The following BTBD9 variants were observed in gnomAD, a reference collection of about 807,000 sequenced individuals.
The protein encoded by BTBD9 is BTB domain containing 9, also known as BTB/POZ domain-containing protein 9.
A neutral mutation model predicts 64.3 loss-of-function variants in BTBD9; 49 were observed. That is an observed-to-expected ratio of 0.76 (90% CI 0.61 to 0.97). The LOEUF is 0.97. Ranked by LOEUF, BTBD9 falls within the 50% of genes least tolerant of loss-of-function variation. The pLI is 0.00. For missense variants in BTBD9, 598 were observed against 762.1 expected, an observed-to-expected ratio of 0.78 and a Z score of 2.53; for synonymous variants, 260 against 274.7, an observed-to-expected ratio of 0.95 and a Z score of 0.53.
chr6:38,430,852 AGGCTGCTAT>A, intron 6 of BTBD9, among the ~76,000 whole-genome samples: 1 of 151,896 alleles, frequency 6.6e-6, no homozygotes, highest in East Asian at 1.9e-4. Flanking sequence ...TTTCCTGACA[AGGCTGCTAT>A]CAATTAATCC....
intron 6 of BTBD9, among the ~76,000 whole-genome samples, chr6:38,455,657 T>C (rs977766314): frequency 1.3e-5 from 2 of 152,238 alleles, no homozygotes; most frequent in African/African-American, 4.8e-5. Flanking sequence ...TTTCACCCAT[T>C]TATGGATTGA....
At chr6:38,432,275 T>C (rs1768476046) in intron 6 of BTBD9, among the ~76,000 whole-genome samples, 1 of 152,052 alleles carries the variant, frequency 6.6e-6, no homozygotes, top group Non-Finnish European at 1.5e-5. Flanking sequence ...GAAACTGCCT[T>C]TGCAAAGATC....
intron 7 of BTBD9, among the ~76,000 whole-genome samples, chr6:38,289,633 C>T (rs1164929223): frequency 6.6e-6 from 1 of 152,176 alleles, no homozygotes; most frequent in Non-Finnish European, 1.5e-5. Context: ...CAGTTGCCCT[C>T]AGCCATGATT....
chr6:38,635,923 G>A (rs534508906), intron 1 of BTBD9, among the ~76,000 whole-genome samples: 35 of 152,134 alleles, frequency 2.3e-4, no homozygotes, highest in Non-Finnish European at 4.1e-4. Context: ...TGATTTAAAC[G>A]TCCAAAAGTT....
chr6:38,326,025 T>C (rs1326762080), intron 7 of BTBD9, among the ~76,000 whole-genome samples: 1 of 152,026 alleles, frequency 6.6e-6, no homozygotes, highest in East Asian at 1.9e-4. Flanking sequence ...AAACTCCACA[T>C]CTATAAGCAT....
chr6:38,356,104 A>G (rs1259843741), intron 6 of BTBD9, among the ~76,000 whole-genome samples: 1 of 151,902 alleles, frequency 6.6e-6, no homozygotes, highest in Non-Finnish European at 1.5e-5. Flanking sequence ...TTTTTTTTTA[A>G]AAAACCATGT....
At chr6:38,575,414 A>G (rs1292046334) in intron 6 of BTBD9, among the ~76,000 whole-genome samples, 1 of 152,214 alleles carries the variant, frequency 6.6e-6, no homozygotes, top group Admixed American at 6.5e-5. Context: ...AAGGACACTA[A>G]AGAACAAAGC....
intron 1 of BTBD9, among the ~76,000 whole-genome samples, chr6:38,605,638 C>T (rs952060434): frequency 5.4e-5 from 8 of 147,752 alleles, no homozygotes; most frequent in Admixed American, 3.3e-4. Flanking sequence ...CATAGCAAGA[C>T]CCCTTATCTA....
Position 38,171,846 on chromosome 6 carries a change from C to CAAAAAAAAAAAAAAAAAAAAAAAA in BTBD9, c.*3115_*3138dup, listed in dbSNP as rs869155666. The CAAAAAAAAAAAAAAAAAAAAAAAA allele has an allele frequency of 1.1e-4, 9 of 79,206 alleles. No homozygotes were observed. Among genetic ancestry groups the CAAAAAAAAAAAAAAAAAAAAAAAA allele is most frequent in the Non-Finnish European group, 1.8e-4 (8 of 45,700 alleles). 4.9% of individuals were successfully genotyped at this position (79,206 alleles called of 1,614,324 possible). On this transcript the variant is annotated 3_prime_UTR_variant, in exon 11 of 11. Coordinates refer to ENST00000481247, the MANE Select transcript of BTBD9 (RefSeq NM_001099272.2). ...TCCAATGAAGTTGCCTTTCTACTCT[C>CAAAAAAAAAAAAAAAAAAAAAAAA]AAAAAAAAAAAAAAAAAAAAAAAAA...
chr6:38,246,461 CGT>C (rs146032456), intron 9 of BTBD9, among the ~76,000 whole-genome samples: 10 of 150,806 alleles, frequency 6.6e-5, no homozygotes, highest in Admixed American at 2.0e-4. Context: ...CGTGCACGTA[CGT>C]GTGTGTGTGT....
At chr6:38,524,466 G>C (rs566885243) in intron 6 of BTBD9, among the ~76,000 whole-genome samples, 1 of 152,128 alleles carries the variant, frequency 6.6e-6, no homozygotes, top group Non-Finnish European at 1.5e-5. Flanking sequence ...TAAGCACGTA[G>C]CAAGAATTAA....
At chr6:38,178,791 G>A (rs905558097) in intron 10 of BTBD9, among the ~76,000 whole-genome samples, 11 of 152,300 alleles carry the variant, frequency 7.2e-5, no homozygotes, top group African/African-American at 2.6e-4. Flanking sequence ...GGGACAGGGC[G>A]AGGGCCTGGC....
chr6:38,587,369 A>C, intron 4 of BTBD9: 1 of 474,878 alleles, frequency 2.1e-6, no homozygotes, highest in South Asian at 1.8e-5. Context: ...ATGAAAGCTC[A>C]ACTTGGGGAG....
chr6:38,330,537 C>T (rs1002169613), intron 7 of BTBD9, among the ~76,000 whole-genome samples: 3 of 151,734 alleles, frequency 2.0e-5, no homozygotes, highest in Admixed American at 1.3e-4. Context: ...AATAAAATAC[C>T]GTCAAATTAT....
intron 9 of BTBD9, among the ~76,000 whole-genome samples, chr6:38,249,203 GA>G (rs546047213): frequency 6.6e-6 from 1 of 152,038 alleles, no homozygotes; most frequent in Non-Finnish European, 1.5e-5. Context: ...TCCCTTTTCT[GA>G]AAAAAATTAC....
intron 7 of BTBD9, among the ~76,000 whole-genome samples, chr6:38,328,968 A>ATG (rs70981541): frequency 0.08 from 10,112 of 127,122 alleles, 473 homozygotes; most frequent in East Asian, 0.19. Flanking sequence ...GAAAGAAAAT[A>ATG]TGTGTGTGTG....
chr6:38,442,436 T>A (rs1769076753), intron 6 of BTBD9, among the ~76,000 whole-genome samples: 1 of 151,984 alleles, frequency 6.6e-6, no homozygotes, highest in East Asian at 1.9e-4. Flanking sequence ...CGCCACTGCA[T>A]TCCAGCTTGG....
chr6:38,391,309 A>G (rs1766402096), intron 6 of BTBD9, among the ~76,000 whole-genome samples: 1 of 152,210 alleles, frequency 6.6e-6, no homozygotes, highest in Admixed American at 6.5e-5. Flanking sequence ...GAAGGGCCAC[A>G]CTATTTTAAA....
chr6:38,613,721 T>C (rs992710521), intron 1 of BTBD9, among the ~76,000 whole-genome samples: 2 of 152,134 alleles, frequency 1.3e-5, no homozygotes, highest in Non-Finnish European at 2.9e-5. Flanking sequence ...TATAAAAATG[T>C]CAGAGGGAGC....
Sources: gnomAD v4.1 joint callset for allele counts (sites outside exome capture counted in the v4.1 genomes callset) on GRCh38, gnomAD v4.1.1 for gene constraint, MANE v1.5 for transcripts, NCBI Gene and HGNC (gene_info 2026-07-23, HGNC 2026-07-21) for gene names.